Variants in PACRGL observed in about 807,000 individuals in gnomAD.
PACRGL encodes the protein parkin coregulated like, also known as PACRG-like protein.
PACRGL carries 38 observed loss-of-function variants against 34.5 expected under a neutral mutation model. The ratio of observed to expected loss-of-function variants is 1.10; its 90% confidence interval spans 0.85 to 1.44. PACRGL has a LOEUF of 1.44. PACRGL is among the 40% of genes most tolerant of loss of function. The probability of loss-of-function intolerance (pLI) is 0.00; values close to 1 mark genes in which losing one functional copy is unlikely to be tolerated. For missense variants in PACRGL, 305 were observed against 281.4 expected (o/e 1.08, Z -0.60); for synonymous variants, 128 against 100.1 (o/e 1.28, Z -1.66).
At chr4:20,746,399 T>C (rs1333596705) in intron 8 of PACRGL, among the ~76,000 whole-genome samples, 1 of 151,854 alleles carries the variant, frequency 6.6e-6, no homozygotes, top group Non-Finnish European at 1.5e-5. Context: ...GGAGGGATAA[T>C]ATTAGCAGAA....
At chr4:20,701,754 C>A (rs192604119) in intron 1 of PACRGL, 1 of 430,052 alleles carries the variant, frequency 2.3e-6, no homozygotes, top group Admixed American at 2.6e-5. Context: ...CTCCCTCCCC[C>A]CAGTCTCTTT....
At chr4:20,737,304 G>T (rs968056988), downstream of PACRGL, among the ~76,000 whole-genome samples, 4 of 152,228 alleles carry the variant, frequency 2.6e-5, no homozygotes, top group African/African-American at 7.2e-5. Flanking sequence ...TTGCTCCAAG[G>T]TTGGAAAAAT....
chr4:20,760,874 G>T, the PACRGL span, among the ~76,000 whole-genome samples: 1 of 152,188 alleles, frequency 6.6e-6, no homozygotes, highest in Non-Finnish European at 1.5e-5. Context: ...AACTGTGATG[G>T]TTGATTTTAT....
rs1386374416 is a variant in PACRGL, at chr4:20,717,126, GTCT to G, written c.609+3592_609+3594del. 5.5e-4 allele frequency among the ~76,000 whole-genome samples: 83 copies of G among 152,280 alleles called. 1 individual carries two copies. The highest frequency in any genetic ancestry group is 2.0e-3 in the African/African-American group (82 of 41,562). On this transcript the variant is annotated intron_variant, in intron 7 of 8. Transcript: ENST00000503585. ...TCATGTGTCTGTTGGCTGCATAAATGTCTTCTTTTGAGAAGTGTCTGTTCGTAT... is the reference window on the plus strand; with the variant it reads ...TCATGTGTCTGTTGGCTGCATAAATGTCTTTTGAGAAGTGTCTGTTCGTAT...
chr4:20,702,071 A>G, intron 1 of PACRGL: 1 of 445,118 alleles, frequency 2.2e-6, no homozygotes, highest in Non-Finnish European at 4.5e-6. Context: ...ACCATGTTTA[A>G]AACTTTTTCA....
the PACRGL span, among the ~76,000 whole-genome samples, chr4:20,763,022 A>G: frequency 6.6e-6 from 1 of 152,018 alleles, no homozygotes; most frequent in African/African-American, 2.4e-5. Flanking sequence ...ATGAGAACTC[A>G]CCCACTTATC....
chr4:20,756,348 C>T (rs1754443121), downstream of PACRGL, among the ~76,000 whole-genome samples: 3 of 152,164 alleles, frequency 2.0e-5, no homozygotes, highest in African/African-American at 7.2e-5. Flanking sequence ...ATGGACTCCA[C>T]TATCCCATCG....
intron 8 of PACRGL, among the ~76,000 whole-genome samples, chr4:20,740,950 C>T (rs1424483366): frequency 3.3e-5 from 5 of 151,918 alleles, no homozygotes; most frequent in Non-Finnish European, 5.9e-5. Context: ...GACATTAAAC[C>T]AACAAAGATC....
chr4:20,725,558 T>C (rs1232462294), intron 8 of PACRGL, among the ~76,000 whole-genome samples: 2 of 152,186 alleles, frequency 1.3e-5, no homozygotes, highest in African/African-American at 2.4e-5. Flanking sequence ...AAAGCAGTCC[T>C]TGCTTTTGGA....
intron 1 of PACRGL, 83 bp downstream of exon 1, chr4:20,700,870 A>C (rs995291725): frequency 1.3e-5 from 2 of 151,988 alleles, no homozygotes; most frequent in South Asian, 4.2e-4. Flanking sequence ...GCTGACTTTG[A>C]TAGCATCCTG....
At chr4:20,767,035 A>G in the PACRGL span, 6 of 152,172 alleles carry the variant, frequency 3.9e-5, no homozygotes, top group African/African-American at 1.2e-4. Flanking sequence ...CTTACACATC[A>G]TATTTGGTCA....
rs1365834866 is a variant in PACRGL at position 20,731,560 on chromosome 4, A to T, written c.*4219A>T. The T allele has an allele frequency of 4.7e-5, 46 of 985,288 alleles. No individual in the cohort carries two copies. The highest frequency in any genetic ancestry group is 1.1e-4 in the East Asian group (1 of 8,828). The allele number at this position is 985,288 out of a possible 1,614,324, so 61.0% of individuals were successfully genotyped here. A position where few individuals can be genotyped will look rare whatever the true frequency, so the allele number is the denominator to read the frequency against. ...AAAGAGCCATTTCTTGTCCACATAC[A>T]CTAAAACAATGACTTTTCTCTTAGA... On this transcript the variant is annotated 3_prime_UTR_variant, in exon 9 of 9. Coordinates refer to ENST00000503585, the MANE Select transcript of PACRGL (RefSeq NM_001258345.3).
exon 9 of PACRGL, chr4:20,752,815 G>C (rs918916430): frequency 1.3e-5 from 2 of 152,186 alleles, no homozygotes; most frequent in South Asian, 4.1e-4. Context: ...ATGACGAAAA[G>C]AGAAACTGTC....
At chr4:20,749,604 C>G in intron 8 of PACRGL, 1 of 1,181,974 alleles carries the variant, frequency 8.5e-7, no homozygotes, top group South Asian at 1.4e-5. Flanking sequence ...TCACATTTTC[C>G]CCCTAAAAAG....
downstream of PACRGL, among the ~76,000 whole-genome samples, chr4:20,756,519 C>G (rs1360028677): frequency 4.6e-5 from 7 of 152,152 alleles, no homozygotes; most frequent in African/African-American, 1.7e-4. Flanking sequence ...ATCTACCCAG[C>G]ACTATGATCA....
chr4:20,724,271 A>G (rs1744723997), intron 7 of PACRGL, among the ~76,000 whole-genome samples: 1 of 152,176 alleles, frequency 6.6e-6, no homozygotes, highest in Non-Finnish European at 1.5e-5. Context: ...CAGCATCTCA[A>G]GTGATTCTGA....
intron 8 of PACRGL, among the ~76,000 whole-genome samples, chr4:20,726,191 T>C (rs1745549832): frequency 2.0e-5 from 3 of 151,984 alleles, no homozygotes; most frequent in Non-Finnish European, 2.9e-5. Context: ...GGAGATAGTA[T>C]ATGTGTAAAT....
At chr4:20,754,319 A>T (rs1307389380), downstream of PACRGL, among the ~76,000 whole-genome samples, 1 of 152,204 alleles carries the variant, frequency 6.6e-6, no homozygotes, top group East Asian at 1.9e-4. Flanking sequence ...TTCTGTAGAT[A>T]AGACAAAGCA....
chr4:20,700,262 A>G (rs1731589746), upstream of PACRGL, among the ~76,000 whole-genome samples: 2 of 152,154 alleles, frequency 1.3e-5, no homozygotes, highest in Admixed American at 1.3e-4. Context: ...AACATCCTCC[A>G]CCACGTGCCC....
Sources: gnomAD v4.1 joint callset for allele counts (sites outside exome capture counted in the v4.1 genomes callset) on GRCh38, gnomAD v4.1.1 for gene constraint, MANE v1.5 for transcripts, NCBI Gene and HGNC (gene_info 2026-07-23, HGNC 2026-07-21) for gene names.